The following DNAH2 variants were observed in gnomAD, a reference collection of about 807,000 sequenced individuals.
The protein encoded by DNAH2 is dynein axonemal heavy chain 2, also known as axonemal beta dynein heavy chain 2.
DNAH2 carries 323 observed loss-of-function variants against 523.5 expected under a neutral mutation model. The ratio of observed to expected loss-of-function variants is 0.62; its 90% CI spans 0.56 to 0.68. DNAH2 has a LOEUF of 0.68. DNAH2 is among the 30% of genes least tolerant of loss of function. The pLI is 0.00. For synonymous variants in DNAH2, 2,093 were observed against 2,177.4 expected (o/e 0.96, Z 1.08); for missense variants, 4,907 against 5,701.5 (o/e 0.86, Z 4.49).
Position 7,831,562 on chromosome 17 carries a change from G to C in DNAH2, c.12611+21G>C, listed in dbSNP as rs2078175597. ...ATCCTGTAAGACAGAGGGGGACTCT[G>C]CGGAACAGGGGAGGGTGTGAGGAGA... On this transcript the variant is annotated intron_variant, in intron 81 of 85. Transcript: ENST00000572933. The surrounding 1 kb of genome is among the most constrained non-coding windows in gnomAD (Gnocchi z 4.2). The C allele has an allele frequency of 6.2e-7, 1 of 1,614,088 alleles. No homozygotes were observed. The highest frequency in any genetic ancestry group is 8.5e-7 in the Non-Finnish European group (1 of 1,179,978).
intron 77 of DNAH2, 23 bp from the exon 78 acceptor site, chr17:7,830,277 T>C (rs375260281): frequency 6.2e-7 from 1 of 1,605,082 alleles, no homozygotes; most frequent in South Asian, 1.1e-5. Flanking sequence ...TGTCACCCCA[T>C]CTTTATATTT....
At position 7,780,507 on chromosome 17, in the gene DNAH2, C is replaced by A; in HGVS notation, c.5851-123C>A. On this transcript the variant is annotated intron_variant, in intron 37 of 85. Coordinates refer to ENST00000572933, the MANE Select transcript of DNAH2 (RefSeq NM_020877.5). The surrounding 1 kb of genome is among the most constrained non-coding windows in gnomAD (Gnocchi z 4.4). ...TTCACACAATTTCCTCAGGAGAATCCATAGAGTGCCTCCTAGCTGCTTCAT... is the reference window on the plus strand; with the variant it reads ...TTCACACAATTTCCTCAGGAGAATCAATAGAGTGCCTCCTAGCTGCTTCAT... 1.4e-6 allele frequency: 2 copies of A among 1,450,154 alleles called. No individual in the cohort carries two copies. Among genetic ancestry groups the A allele is most frequent in the Non-Finnish European group, 1.9e-6 (2 of 1,061,862 alleles). 89.8% of individuals were successfully genotyped at this position (1,450,154 alleles called of 1,614,324 possible).
In DNAH2 at chr17:7,780,168, C is replaced by G. The variant is rs143690370; in HGVS notation, c.5734C>G (p.Arg1912Gly). 5 of 1,612,520 alleles carry G rather than the reference C, an allele frequency of 3.1e-6. No homozygotes were observed. In the South Asian group the frequency reaches 5.5e-5, roughly 18 times the overall value. Reference protein sequence around the residue: ...FITMNPGYAGRTELPENLKSM... With the variant: ...FITMNPGYAGGTELPENLKSM... ...GCATTGTTTTCCAGGCTATGCTGGCCGCACAGAGCTTCCCGAAAATCTTAA... is the reference window on the plus strand; with the variant it reads ...GCATTGTTTTCCAGGCTATGCTGGCGGCACAGAGCTTCCCGAAAATCTTAA... The change falls in exon 37 of 86, where the codon CGC becomes GGC. Residue 1912 changes from arginine to glycine, a missense_variant. Transcript: ENST00000572933. This position sits in a 1 kb window ranked among gnomAD's most constrained non-coding sequence, Gnocchi z 4.4.
chr17:7,742,222 G>A (rs1382771052), intron 11 of DNAH2, among the ~76,000 whole-genome samples: 3 of 152,050 alleles, frequency 2.0e-5, no homozygotes, highest in African/African-American at 4.8e-5. Context: ...TTGAAGTTAG[G>A]AGTTCATGAC....
chr17:7,722,459 A>G (rs1261417818), intron 2 of DNAH2, among the ~76,000 whole-genome samples: 1 of 152,184 alleles, frequency 6.6e-6, no homozygotes, highest in African/African-American at 2.4e-5. Flanking sequence ...GCCAAAAGAA[A>G]GCCACTTTAA....
chr17:7,747,497 TC>T (rs2075551340), intron 12 of DNAH2, among the ~76,000 whole-genome samples: 1 of 152,168 alleles, frequency 6.6e-6, no homozygotes, highest in Non-Finnish European at 1.5e-5. Context: ...CGCACTTTGT[TC>T]CCTTCCCTCT....
chr17:7,742,121 G>T lies in DNAH2; in HGVS notation c.1690-807G>T, dbSNP rs374770744. 1.8e-4 allele frequency among the ~76,000 whole-genome samples: 28 copies of T among 151,832 alleles called. 3 individuals are homozygous for T. Among genetic ancestry groups the T allele is most frequent in the East Asian group, 1.8e-3 (9 of 5,114 alleles). The stretch of plus-strand genomic sequence containing the variant: ...GGAAAGACAGCACAAAGAAACAACA[G>T]AAAAACATTGTTTTAAAACTTTCTG... On this transcript the variant is annotated intron_variant, in intron 11 of 85. Transcript: ENST00000572933.
intron 79 of DNAH2, 108 bp downstream of exon 79, chr17:7,830,950 G>C: frequency 6.5e-7 from 1 of 1,534,770 alleles, no homozygotes; most frequent in Non-Finnish European, 8.9e-7. Flanking sequence ...ATTGGAAGAA[G>C]ACAGAGTTTG....
Position 7,817,352 on chromosome 17 carries a change from C to T in DNAH2, c.9957C>T (p.Ser3319=), listed in dbSNP as rs1169619519. The change falls in exon 65 of 86, where the codon TCC becomes TCT. Residue 3319 remains serine (S), a synonymous_variant. Transcript: ENST00000572933. ...GDCLLAAAFL[S]YMGPFLTNYR... ...GTCTCCTGGCAGCTGCCTTCCTGTC[C>T]TACATGGGACCCTTCCTGACCAACT... 20 of 1,611,166 alleles carry T rather than the reference C, an allele frequency of 1.2e-5. No homozygotes were observed. The highest frequency in any genetic ancestry group is 1.7e-5 in the Non-Finnish European group (20 of 1,179,262).
chr17:7,733,733 G>A (rs910801931), intron 5 of DNAH2, among the ~76,000 whole-genome samples: 10 of 151,918 alleles, frequency 6.6e-5, no homozygotes, highest in Non-Finnish European at 1.0e-4. Flanking sequence ...CGCCTTGGCC[G>A]CCCAAAGTGC....
intron 44 of DNAH2, among the ~76,000 whole-genome samples, chr17:7,791,654 G>A (rs1199589224): frequency 1.3e-5 from 2 of 152,222 alleles, no homozygotes; most frequent in Non-Finnish European, 1.5e-5. Context: ...GGGCAGGCCT[G>A]TTGTGGCCAG....
chr17:7,821,282 A>T lies in DNAH2; in HGVS notation c.11055A>T (p.Leu3685=). The T allele has an allele frequency of 6.2e-7, 1 of 1,613,822 alleles. No individual in the cohort carries two copies. The highest frequency in any genetic ancestry group is 8.5e-7 in the Non-Finnish European group (1 of 1,179,886). ...CCCTTTTCGAACGCCACAAACTACTATTCAGTTTTCATATGTGTGCCAAAA... is the reference window on the plus strand; with the variant it reads ...CCCTTTTCGAACGCCACAAACTACTTTTCAGTTTTCATATGTGTGCCAAAA... ...CRTLFERHKL[L]FSFHMCAKIL... Residue 3685 remains leucine, a synonymous_variant, in exon 73 of 86, where the codon CTA becomes CTT. Coordinates refer to ENST00000572933, the MANE Select transcript of DNAH2 (RefSeq NM_020877.5). This position sits in a 1 kb window ranked among gnomAD's most constrained non-coding sequence, Gnocchi z 5.0.
chr17:7,785,719 T>C (rs964721275), intron 39 of DNAH2, among the ~76,000 whole-genome samples: 2 of 152,250 alleles, frequency 1.3e-5, no homozygotes, highest in Non-Finnish European at 2.9e-5. Context: ...CTGTGAGCTC[T>C]GCAATAGGAC....
chr17:7,797,034 A>G, intron 50 of DNAH2, 142 bp from the exon 51 acceptor site: 1 of 726,252 alleles, frequency 1.4e-6, no homozygotes, highest in East Asian at 2.7e-5. Flanking sequence ...CCTGGGAGGC[A>G]GAGGTTGCAG....
At chr17:7,804,146 G>GT in intron 58 of DNAH2, 110 bp from the exon 59 acceptor site, 1 of 1,118,566 alleles carries the variant, frequency 8.9e-7, no homozygotes, top group South Asian at 1.5e-5. Context: ...AGTGTTGGTG[G>GT]CAACAGAAAG....
intron 12 of DNAH2, among the ~76,000 whole-genome samples, chr17:7,746,392 ATAG>A (rs1420083793): frequency 6.6e-6 from 1 of 152,208 alleles, no homozygotes; most frequent in African/African-American, 2.4e-5. Flanking sequence ...TTTTGCATAA[ATAG>A]TAGTGTACTA....
In DNAH2 at chr17:7,833,713, C is replaced by T. The variant is rs1465754329; in HGVS notation, c.*180C>T. ...TAAAAGTGAAAGAGTTGTATTGGAG[C>T]TCAGTGCTGTAAAACACCCGCGACA... On this transcript the variant is annotated 3_prime_UTR_variant, in exon 86 of 86. Coordinates refer to ENST00000572933, the MANE Select transcript of DNAH2 (RefSeq NM_020877.5). 1.3e-5 allele frequency: 11 copies of T among 853,570 alleles called. No individual in the cohort carries two copies. Among genetic ancestry groups the T allele is most frequent in the Non-Finnish European group, 2.1e-5 (11 of 525,818 alleles). 52.9% of individuals were successfully genotyped at this position (853,570 alleles called of 1,614,324 possible). A position where few individuals can be genotyped will look rare whatever the true frequency, so the allele number is the denominator to read the frequency against.
chr17:7,786,045 C>G lies in DNAH2; in HGVS notation c.6130-79C>G. On this transcript the variant is annotated intron_variant, in intron 39 of 85. Transcript: ENST00000572933. The surrounding 1 kb of genome is among the most constrained non-coding windows in gnomAD (Gnocchi z 7.5). ...TTTTAACAGTTTGAACGTATTCTCT[C>G]TGGCACCGGGGAGATTTTGAAAGCC... 2 of 1,466,718 alleles carry G rather than the reference C, an allele frequency of 1.4e-6. No individual in the cohort carries two copies. Among genetic ancestry groups the G allele is most frequent in the Non-Finnish European group, 1.9e-6 (2 of 1,060,918 alleles). The allele number at this position is 1,466,718 out of a possible 1,614,324, so 90.9% of individuals were successfully genotyped here.
chr17:7,769,599 A>G (rs772111278), intron 24 of DNAH2, among the ~76,000 whole-genome samples: 31 of 152,220 alleles, frequency 2.0e-4, no homozygotes, highest in South Asian at 4.1e-4. Flanking sequence ...CATCCTCTTC[A>G]TTCTTTCCTC....
Sources: gnomAD v4.1 joint callset for allele counts (sites outside exome capture counted in the v4.1 genomes callset) on GRCh38, gnomAD v4.1.1 for gene constraint, Gnocchi (gnomAD v3.1) non-coding constraint, MANE v1.5 for transcripts, NCBI Gene and HGNC (gene_info 2026-07-23, HGNC 2026-07-21) for gene names.